Variants in ZNF79 observed in about 807,000 individuals in gnomAD.
ZNF79 encodes the protein zinc finger protein 79.
ZNF79 carries 13 observed loss-of-function variants against 14.9 expected under a neutral mutation model. The observed-to-expected ratio is 0.87, with a 90% CI of 0.57 to 1.38. The LOEUF (loss-of-function observed/expected upper bound fraction) is 1.38. Ranked by LOEUF, ZNF79 falls within the 40% of genes most tolerant of loss-of-function variation. ZNF79 has a pLI of 0.00. For synonymous variants in ZNF79, 223 were observed against 235.1 expected (o/e 0.95, Z 0.47); for missense variants, 631 against 630.6 (o/e 1.00, Z -0.01).
chr9:127,436,323 T>C (rs979172010), intron 4 of ZNF79, among the ~76,000 whole-genome samples: 6 of 152,212 alleles, frequency 3.9e-5, no homozygotes, highest in Non-Finnish European at 7.3e-5. Flanking sequence ...GTATCCTTCC[T>C]TATTGTTGGG....
chr9:127,436,108 T>C, intron 4 of ZNF79, 105 bp downstream of exon 4: 1 of 911,702 alleles, frequency 1.1e-6, no homozygotes. Flanking sequence ...GTAGGCGCTA[T>C]TACCCCCATT....
intron 2 of ZNF79, among the ~76,000 whole-genome samples, chr9:127,430,078 A>G (rs1277011173): frequency 6.6e-6 from 1 of 152,136 alleles, no homozygotes; most frequent in Non-Finnish European, 1.5e-5. Flanking sequence ...AGCCTCCCAA[A>G]GTGCTGGAAC....
intron 2 of ZNF79, among the ~76,000 whole-genome samples, chr9:127,431,927 G>A (rs1221205459): frequency 6.6e-6 from 1 of 151,980 alleles, no homozygotes; most frequent in Non-Finnish European, 1.5e-5. Flanking sequence ...TCCTTTCTGG[G>A]TCTATGTGTC....
Position 127,444,862 on chromosome 9 carries a change from C to T in ZNF79, c.1162C>T (p.Pro388Ser). Residue 388 changes from proline (P) to serine (S), a missense_variant, in exon 5 of 5, where the codon CCC becomes TCC. Pro to Ser is a moderately conservative substitution (Grantham distance 74). Transcript: ENST00000342483. ...NHQRTHTGEK[P>S]YKCSECGKAF... ...TCAGAGGACTCACACTGGGGAGAAACCCTACAAGTGCAGCGAGTGTGGGAA... is the reference window on the plus strand; with the variant it reads ...TCAGAGGACTCACACTGGGGAGAAATCCTACAAGTGCAGCGAGTGTGGGAA... 1 of 1,614,124 alleles carries T rather than the reference C, an allele frequency of 6.2e-7. No individual in the cohort carries two copies. The highest frequency in any genetic ancestry group is 1.3e-5 in the African/African-American group (1 of 75,018).
Position 127,445,291 on chromosome 9 carries a change from TG to T in ZNF79, c.*95del. On this transcript the variant is annotated 3_prime_UTR_variant, in exon 5 of 5. Coordinates refer to ENST00000342483, the MANE Select transcript of ZNF79 (RefSeq NM_007135.3). ...GAAATGCTAAAGGCTTGAAAGCATCTGAAGACATCTAACTTAGAGTCTGCAG... is the reference window on the plus strand; with the variant it reads ...GAAATGCTAAAGGCTTGAAAGCATCTAAGACATCTAACTTAGAGTCTGCAG... 2 of 1,372,828 alleles carry T rather than the reference TG, an allele frequency of 1.5e-6. No individual in the cohort carries two copies. The highest frequency in any genetic ancestry group is 2.0e-6 in the Non-Finnish European group (2 of 1,005,048). The allele number at this position is 1,372,828 out of a possible 1,614,324, so 85.0% of individuals were successfully genotyped here.
At chr9:127,428,967 A>C in intron 2 of ZNF79, 47 bp downstream of exon 2, 1 of 1,280,444 alleles carries the variant, frequency 7.8e-7, no homozygotes, top group Non-Finnish European at 1.1e-6. Flanking sequence ...TTCCCCCCTA[A>C]TACTAATGGT....
chr9:127,442,582 C>T (rs1475446861), intron 4 of ZNF79, among the ~76,000 whole-genome samples: 5 of 152,054 alleles, frequency 3.3e-5, no homozygotes, highest in Admixed American at 2.0e-4. Context: ...AAACACTGTG[C>T]ACTTAGGCTA....
intron 1 of ZNF79, chr9:127,425,046 G>A (rs1833726470): frequency 1.0e-6 from 1 of 988,722 alleles, no homozygotes; most frequent in Non-Finnish European, 1.4e-6. Flanking sequence ...CAGACTGCGT[G>A]ATTTCTGAGT....
intron 4 of ZNF79, among the ~76,000 whole-genome samples, chr9:127,439,583 A>G (rs1473774995): frequency 6.6e-6 from 1 of 152,132 alleles, no homozygotes; most frequent in African/African-American, 2.4e-5. Context: ...ACCCCTCCCA[A>G]GTGACAGACC....
intron 4 of ZNF79, among the ~76,000 whole-genome samples, chr9:127,440,188 G>T (rs1834026231): frequency 6.6e-6 from 1 of 152,194 alleles, no homozygotes; most frequent in South Asian, 2.1e-4. Context: ...ATGGTGATGA[G>T]TTGTGTGAAG....
chr9:127,428,320 G>T lies in ZNF79; in HGVS notation c.17-512G>T, dbSNP rs1444959668. ...AACTTTAGGTCTCTGATCTATTTTG[G>T]GTTAATTTTTATATATGGTGTGAAG... On this transcript the variant is annotated intron_variant, in intron 1 of 4. Transcript: ENST00000342483. Among the ~76,000 whole-genome samples the T allele has an allele frequency of 2.0e-5, 3 of 152,172 alleles. No individual in the cohort carries two copies. The East Asian group carries it at 5.8e-4, about 29-fold the overall frequency.
In ZNF79 at chr9:127,424,571, C is replaced by T. The variant is rs1177579515; in HGVS notation, c.-217C>T. 1 of 559,154 alleles carries T rather than the reference C, an allele frequency of 1.8e-6. No homozygotes were observed. The highest frequency in any genetic ancestry group is 3.2e-6 in the Non-Finnish European group (1 of 316,842). The allele number at this position is 559,154 out of a possible 1,614,324, so 34.6% of individuals were successfully genotyped here. ...GCCGAGCCAAAGAGTGGCTGTGACTCGGGAGACGGAGTGGAACACCCGGCT... is the reference window on the plus strand; with the variant it reads ...GCCGAGCCAAAGAGTGGCTGTGACTTGGGAGACGGAGTGGAACACCCGGCT... On this transcript the variant is annotated 5_prime_UTR_variant, in exon 1 of 5. Transcript: ENST00000342483.
At position 127,444,374 on chromosome 9, in the gene ZNF79, A is replaced by G; in HGVS notation, c.674A>G (p.Glu225Gly). The G allele has an allele frequency of 6.2e-7, 1 of 1,612,648 alleles. No individual in the cohort carries two copies. Among genetic ancestry groups the G allele is most frequent in the Non-Finnish European group, 8.5e-7 (1 of 1,178,786 alleles). The change falls in exon 5 of 5, where the codon GAA (glutamate) becomes GGA (glycine). Residue 225 changes from glutamate (E) to glycine (G), a missense_variant. Glu to Gly is a moderately conservative substitution (Grantham distance 98). Coordinates refer to ENST00000342483, the MANE Select transcript of ZNF79 (RefSeq NM_007135.3). ...HTGEKPYECS[E>G]CGKAFSQSSS... The stretch of plus-strand genomic sequence containing the variant: ...GGAGAGAAGCCCTATGAGTGCAGTG[A>G]ATGTGGGAAGGCCTTCAGCCAGAGC...
At chr9:127,443,203 G>T (rs576761776) in intron 4 of ZNF79, among the ~76,000 whole-genome samples, 1 of 152,146 alleles carries the variant, frequency 6.6e-6, no homozygotes, top group Non-Finnish European at 1.5e-5. Context: ...CACTTTGGGA[G>T]GCTGAGGCAG....
chr9:127,428,959 C>G, intron 2 of ZNF79, 39 bp downstream of exon 2: 1 of 1,401,064 alleles, frequency 7.1e-7, no homozygotes, highest in Non-Finnish European at 9.8e-7. Flanking sequence ...TCCTTTTCTT[C>G]CCCCCTAATA....
Position 127,424,528 on chromosome 9 carries a change from C to A in ZNF79, c.-260C>A. Reference sequence around the variant, plus strand: ...TTCGGAAAGCTGGCAGCGGCTTTTTCACCGGGTTCTGCTTGAGGCCGAGCC... The same window carrying A: ...TTCGGAAAGCTGGCAGCGGCTTTTTAACCGGGTTCTGCTTGAGGCCGAGCC... On this transcript the variant is annotated 5_prime_UTR_variant, in exon 1 of 5. Transcript: ENST00000342483. 1.7e-5 allele frequency: 7 copies of A among 409,544 alleles called. No individual in the cohort carries two copies. The highest frequency in any genetic ancestry group is 2.0e-5 in the African/African-American group (1 of 49,130). The allele number at this position is 409,544 out of a possible 1,614,324, so 25.4% of individuals were successfully genotyped here.
At chr9:127,426,562 C>T (rs1833758908) in intron 1 of ZNF79, among the ~76,000 whole-genome samples, 1 of 152,030 alleles carries the variant, frequency 6.6e-6, no homozygotes, top group Non-Finnish European at 1.5e-5. Context: ...TTTTAGTAGA[C>T]ACAGGGTTTC....
At chr9:127,440,694 A>C (rs1185997234) in intron 4 of ZNF79, among the ~76,000 whole-genome samples, 3 of 152,132 alleles carry the variant, frequency 2.0e-5, no homozygotes, top group African/African-American at 2.4e-5. Context: ...CAGGCATGGG[A>C]GCGGGGAGGT....
chr9:127,445,058 C>T lies in ZNF79; in HGVS notation c.1358C>T (p.Ala453Val), dbSNP rs767462859. Residue 453 changes from alanine (A) to valine (V), a missense_variant, in exon 5 of 5, where the codon GCG becomes GTG. Physicochemically the swap from Ala to Val is moderately conservative, Grantham distance 64. Coordinates refer to ENST00000342483, the MANE Select transcript of ZNF79 (RefSeq NM_007135.3). ...KPYECNECGK[A>V]FNQSSSLSQH... ...TATGAGTGTAATGAGTGTGGTAAAGCGTTTAACCAGAGCTCATCCCTTAGT... is the reference window on the plus strand; with the variant it reads ...TATGAGTGTAATGAGTGTGGTAAAGTGTTTAACCAGAGCTCATCCCTTAGT... The T allele has an allele frequency of 1.2e-5, 20 of 1,613,836 alleles. No homozygotes were observed. Among genetic ancestry groups the T allele is most frequent in the Admixed American group, 5.0e-5 (3 of 59,978 alleles).
Sources: allele counts gnomAD v4.1 joint callset (sites outside exome capture counted in the v4.1 genomes callset), GRCh38; gene constraint gnomAD v4.1.1; transcripts MANE v1.5; gene names NCBI Gene and HGNC (gene_info 2026-07-23, HGNC 2026-07-21).